Variants in TMEM108 observed in about 807,000 individuals in gnomAD.
TMEM108 encodes the protein transmembrane protein 108, also known as cancer/testis antigen 124.
TMEM108 carries 12 observed loss-of-function variants against 35.1 expected under a neutral mutation model. The observed-to-expected ratio is 0.34, with a 90% CI of 0.22 to 0.55. The LOEUF (loss-of-function observed/expected upper bound fraction) is 0.55, where lower values mean the gene tolerates loss of function less well. Ranked by LOEUF, TMEM108 falls within the 20% of genes least tolerant of loss-of-function variation. The pLI is 0.89. For synonymous variants in TMEM108, 287 were observed against 308.6 expected (o/e 0.93, Z 0.73); for missense variants, 680 against 753.3 (o/e 0.90, Z 1.14).
intron 2 of TMEM108, among the ~76,000 whole-genome samples, chr3:133,213,094 C>T (rs1258794410): frequency 6.6e-6 from 1 of 152,078 alleles, no homozygotes; most frequent in Non-Finnish European, 1.5e-5. Flanking sequence ...TTCATATTTG[C>T]CTACCTGTTG....
chr3:133,328,673 CCT>C (rs1477330928), intron 3 of TMEM108, among the ~76,000 whole-genome samples: 2 of 152,140 alleles, frequency 1.3e-5, no homozygotes, highest in Non-Finnish European at 2.9e-5. Context: ...CTCATCCCAC[CCT>C]CTCTCATCTC....
rs531717528 is a variant in TMEM108, at chr3:133,355,113, T to C, written c.41-24639T>C. On this transcript the variant is annotated intron_variant, in intron 3 of 5. Transcript: ENST00000321871. ...CCACGTGACTTCCAGTGCACAGATA[T>C]TCAGCTGGGTGTATCTAAATGTCAC... is the stretch of plus-strand genomic sequence containing the variant. Among the ~76,000 whole-genome samples the C allele has an allele frequency of 2.6e-5, 4 of 152,342 alleles. No homozygotes were observed. In the South Asian group the frequency reaches 6.2e-4, roughly 24 times the overall value.
chr3:133,045,470 A>G (rs1444301903), intron 1 of TMEM108, among the ~76,000 whole-genome samples: 2 of 152,208 alleles, frequency 1.3e-5, no homozygotes, highest in African/African-American at 4.8e-5. Flanking sequence ...ACTGCCCTGC[A>G]GCCCATAAGG....
chr3:133,153,236 A>C (rs1021164932), intron 2 of TMEM108, among the ~76,000 whole-genome samples: 1 of 152,114 alleles, frequency 6.6e-6, no homozygotes, highest in East Asian at 1.9e-4. Flanking sequence ...CAAATGCCTT[A>C]AATTTCTTTG....
chr3:133,124,273 G>C (rs757506719), intron 2 of TMEM108, among the ~76,000 whole-genome samples: 10 of 152,170 alleles, frequency 6.6e-5, no homozygotes, highest in Non-Finnish European at 1.2e-4. Context: ...TAAAACAGCT[G>C]GTTTCCAGCC....
chr3:133,172,761 G>T (rs12488775), intron 2 of TMEM108, among the ~76,000 whole-genome samples: 2 of 152,124 alleles, frequency 1.3e-5, no homozygotes, highest in Non-Finnish European at 2.9e-5. Flanking sequence ...TGGTTTGGCT[G>T]TGTCACCACC....
intron 2 of TMEM108, among the ~76,000 whole-genome samples, chr3:133,109,698 G>T (rs1432659499): frequency 6.6e-6 from 1 of 152,258 alleles, no homozygotes; most frequent in Non-Finnish European, 1.5e-5. Flanking sequence ...ACTCATAAAG[G>T]TATGGAAAAC....
intron 3 of TMEM108, among the ~76,000 whole-genome samples, chr3:133,241,127 T>A (rs1237464628): frequency 7.1e-6 from 1 of 141,446 alleles, no homozygotes; most frequent in Non-Finnish European, 1.5e-5. Flanking sequence ...AAACAGAATA[T>A]TTTAAATGAA....
chr3:133,153,580 C>T (rs1327122136), intron 2 of TMEM108, among the ~76,000 whole-genome samples: 1 of 152,170 alleles, frequency 6.6e-6, no homozygotes, highest in Non-Finnish European at 1.5e-5. Flanking sequence ...ACCATTATCA[C>T]TTCTCCTTTT....
chr3:133,107,778 C>T (rs1050274017), intron 2 of TMEM108, among the ~76,000 whole-genome samples: 3 of 152,124 alleles, frequency 2.0e-5, no homozygotes, highest in African/African-American at 7.2e-5. Flanking sequence ...ACCGCTATAG[C>T]CTCTAAGCCA....
Position 133,134,970 on chromosome 3 carries a change from T to TA in TMEM108, c.-47+88960dup, listed in dbSNP as rs967425349. On this transcript the variant is annotated intron_variant, in intron 2 of 5. Coordinates refer to ENST00000321871, the MANE Select transcript of TMEM108 (RefSeq NM_023943.4). The stretch of plus-strand genomic sequence containing the variant: ...TCCTGCTATTTTAACAGGCATCCTT[T>TA]AAAAAAAAAATCTCTATTTGAATAT... Among the ~76,000 whole-genome samples the TA allele has an allele frequency of 7.6e-4, 115 of 150,424 alleles. No homozygotes were observed. The East Asian group carries it at 9.3e-3, about 12-fold the overall frequency.
chr3:133,358,181 T>C (rs1471845824), intron 3 of TMEM108, among the ~76,000 whole-genome samples: 1 of 151,890 alleles, frequency 6.6e-6, no homozygotes, highest in East Asian at 1.9e-4. Context: ...TTTTTTTTTT[T>C]TTCCTTTTGA....
Position 133,116,915 on chromosome 3 carries a change from G to A in TMEM108, c.-47+70895G>A, listed in dbSNP as rs529082975. Among the ~76,000 whole-genome samples, 7 of 152,142 alleles carry A rather than the reference G, an allele frequency of 4.6e-5. No individual in the cohort carries two copies. The South Asian group carries it at 1.0e-3, about 23-fold the overall frequency. Reference sequence around the variant, plus strand: ...CTCCTGAGTAGCTGAGACTACGGGCGTGCACTACCACACCTGGCTAATTTT... The same window carrying A: ...CTCCTGAGTAGCTGAGACTACGGGCATGCACTACCACACCTGGCTAATTTT... On this transcript the variant is annotated intron_variant, in intron 2 of 5. Coordinates refer to ENST00000321871, the MANE Select transcript of TMEM108 (RefSeq NM_023943.4).
chr3:133,247,741 T>C (rs1233131528), intron 3 of TMEM108: 2 of 152,304 alleles, frequency 1.3e-5, no homozygotes, highest in East Asian at 3.9e-4. Context: ...AACACACTTT[T>C]ATAAAGAATC....
At chr3:133,140,641 G>A (rs1944628116) in intron 2 of TMEM108, among the ~76,000 whole-genome samples, 1 of 152,114 alleles carries the variant, frequency 6.6e-6, no homozygotes, top group African/African-American at 2.4e-5. Flanking sequence ...TCACAAAACA[G>A]AAATTAAGTA....
chr3:133,320,943 T>A (rs902876374), intron 3 of TMEM108, among the ~76,000 whole-genome samples: 15 of 152,146 alleles, frequency 9.9e-5, no homozygotes, highest in Non-Finnish European at 1.5e-4. Context: ...GAAGGAGAGA[T>A]AAAGTCTTTT....
At chr3:133,093,056 C>A (rs1463066295) in intron 2 of TMEM108, among the ~76,000 whole-genome samples, 1 of 149,090 alleles carries the variant, frequency 6.7e-6, no homozygotes, top group African/African-American at 2.5e-5. Flanking sequence ...GTGGTGCGAT[C>A]TTGGCTCACT....
chr3:133,178,607 T>C (rs1418645424), intron 2 of TMEM108, among the ~76,000 whole-genome samples: 2 of 152,230 alleles, frequency 1.3e-5, no homozygotes, highest in African/African-American at 4.8e-5. Flanking sequence ...GCTAGCCATA[T>C]GTAGAAAGCT....
chr3:133,134,128 T>C (rs1944531152), intron 2 of TMEM108, among the ~76,000 whole-genome samples: 1 of 151,886 alleles, frequency 6.6e-6, no homozygotes, highest in East Asian at 1.9e-4. Context: ...TATATATATA[T>C]GTATAAAATC....
Sources: allele counts gnomAD v4.1 joint callset (sites outside exome capture counted in the v4.1 genomes callset), GRCh38; gene constraint gnomAD v4.1.1; transcripts MANE v1.5; gene names NCBI Gene and HGNC (gene_info 2026-07-23, HGNC 2026-07-21).